The following SPAG1 variants were observed in gnomAD, a reference collection of about 807,000 sequenced individuals.
The protein encoded by SPAG1 is sperm associated antigen 1, also known as sperm-associated antigen 1.
A neutral mutation model predicts 100.5 loss-of-function variants in SPAG1; 69 were observed. That is an observed-to-expected ratio of 0.69 (90% CI 0.57 to 0.84). The LOEUF (loss-of-function observed/expected upper bound fraction) is 0.84, where lower values mean the gene tolerates loss of function less well. Among genes scored for constraint, SPAG1 ranks in the 40% least tolerant of loss-of-function variants. The probability of loss-of-function intolerance (pLI) is 0.00; values close to 1 mark genes in which losing one functional copy is unlikely to be tolerated. For missense variants in SPAG1, 955 were observed against 1,133.1 expected, an observed-to-expected ratio of 0.84 and a Z score of 2.26; for synonymous variants, 336 against 411.6, an observed-to-expected ratio of 0.82 and a Z score of 2.22.
chr8:100,204,170 G>A (rs996356650), intron 10 of SPAG1, among the ~76,000 whole-genome samples: 2 of 151,974 alleles, frequency 1.3e-5, no homozygotes, highest in African/African-American at 2.4e-5. Flanking sequence ...ATGGCCTCCC[G>A]AGACAGTTGC....
rs1170757198 is a variant in SPAG1, at chr8:100,220,389, A to C, written c.1646A>C (p.Gln549Pro). Residue 549 changes from glutamine (Q) to proline (P), a missense_variant, in exon 13 of 19, where the codon CAG (glutamine) becomes CCG (proline). By Grantham distance (76) the Gln-to-Pro change is moderately conservative. Coordinates refer to ENST00000388798, the MANE Select transcript of SPAG1 (RefSeq NM_003114.5). Reference sequence around the variant, plus strand: ...TATGTGGATTATAAAACAGTGTTGCAGATAGACTGTGGACTCCAGCTAGCA... The same window carrying C: ...TATGTGGATTATAAAACAGTGTTGCCGATAGACTGTGGACTCCAGCTAGCA... ...KAYVDYKTVLQIDCGLQLAND... is the reference protein window; with the variant it reads ...KAYVDYKTVLPIDCGLQLAND... 1.2e-6 allele frequency: 2 copies of C among 1,613,834 alleles called. No individual in the cohort carries two copies. The highest frequency in any genetic ancestry group is 1.7e-5 in the Admixed American group (1 of 59,968).
In SPAG1 at chr8:100,233,399, G is replaced by A. The variant is rs999991693; in HGVS notation, c.1989-12G>A. 3 of 1,613,358 alleles carry A rather than the reference G, an allele frequency of 1.9e-6. No homozygotes were observed. Among genetic ancestry groups the A allele is most frequent in the East Asian group, 2.2e-5 (1 of 44,866 alleles). On this transcript the variant is annotated splice_polypyrimidine_tract_variant and intron_variant, in intron 15 of 18. Transcript: ENST00000388798. ...ACCTTTCATAATACTGAGTTCCATT[G>A]CATTATGCCAGAGCTCTCTGTTACT...
chr8:100,214,482 T>C (rs899470727), intron 12 of SPAG1, among the ~76,000 whole-genome samples: 1 of 152,164 alleles, frequency 6.6e-6, no homozygotes, highest in African/African-American at 2.4e-5. Context: ...CTCTACCTTC[T>C]TGAGTGCCCT....
At chr8:100,200,254 T>C (rs1449547259) in intron 10 of SPAG1, among the ~76,000 whole-genome samples, 5 of 152,210 alleles carry the variant, frequency 3.3e-5, no homozygotes, top group Non-Finnish European at 7.3e-5. Context: ...GCTTCATCCA[T>C]GTCCCTACAA....
At chr8:100,228,858 TA>T (rs1455475089) in intron 14 of SPAG1, among the ~76,000 whole-genome samples, 3 of 152,212 alleles carry the variant, frequency 2.0e-5, no homozygotes, top group Non-Finnish European at 4.4e-5. Context: ...TACCTAGGTT[TA>T]AAACTTTAAA....
intron 8 of SPAG1, among the ~76,000 whole-genome samples, chr8:100,188,597 T>C (rs1312608202): frequency 6.6e-6 from 1 of 152,252 alleles, no homozygotes; most frequent in East Asian, 1.9e-4. Context: ...CACCTTGTCA[T>C]GGTTCAGGCC....
At chr8:100,206,383 G>A (rs959383626) in intron 10 of SPAG1, among the ~76,000 whole-genome samples, 2 of 152,286 alleles carry the variant, frequency 1.3e-5, no homozygotes, top group Admixed American at 1.3e-4. Flanking sequence ...TCAACTCTGC[G>A]GCTTTGTGTC....
intron 12 of SPAG1, among the ~76,000 whole-genome samples, chr8:100,220,012 GA>G (rs1280147520): frequency 6.6e-6 from 1 of 152,226 alleles, no homozygotes; most frequent in East Asian, 1.9e-4. Flanking sequence ...GGGGACTGGG[GA>G]GGCCAGGACA....
intron 2 of SPAG1, chr8:100,165,287 C>T: frequency 3.8e-6 from 2 of 520,798 alleles, no homozygotes; most frequent in South Asian, 2.9e-5. Context: ...AAAAACATTT[C>T]CAGCAGGTCT....
In SPAG1 at chr8:100,231,165, C is replaced by T. The variant is rs1818751700; in HGVS notation, c.1865C>T (p.Thr622Ile). ...HRQQGITDEK[T>I]FKALKEEGNQ... ...TTTTTTTGTCCCATAGATGAAAAAA[C>T]ATTTAAAGCCCTTAAGGAAGAAGGA... Residue 622 changes from threonine to isoleucine, a missense_variant, in exon 15 of 19, where the codon ACA becomes ATA. By Grantham distance (89) the Thr-to-Ile change is moderately conservative (BLOSUM62 -1). Coordinates refer to ENST00000388798, the MANE Select transcript of SPAG1 (RefSeq NM_003114.5). The T allele has an allele frequency of 3.1e-6, 5 of 1,601,668 alleles. No homozygotes were observed. Among genetic ancestry groups the T allele is most frequent in the African/African-American group, 1.3e-5 (1 of 74,212 alleles).
intron 8 of SPAG1, among the ~76,000 whole-genome samples, chr8:100,187,895 C>T (rs1816654312): frequency 6.6e-6 from 1 of 152,176 alleles, no homozygotes; most frequent in Admixed American, 6.6e-5. Flanking sequence ...TTCTGTCACC[C>T]AGGCTGGAGT....
chr8:100,188,751 T>C (rs1210118725), intron 8 of SPAG1, among the ~76,000 whole-genome samples: 1 of 152,212 alleles, frequency 6.6e-6, no homozygotes, highest in Non-Finnish European at 1.5e-5. Flanking sequence ...TTTTTTCACA[T>C]GGAATGTATC....
intron 16 of SPAG1, among the ~76,000 whole-genome samples, chr8:100,233,784 A>G (rs1818883735): frequency 6.6e-6 from 1 of 152,194 alleles, no homozygotes; most frequent in African/African-American, 2.4e-5. Context: ...TAGTTTTCTG[A>G]GGAATATTGT....
chr8:100,204,191 A>G (rs1202106190), intron 10 of SPAG1, among the ~76,000 whole-genome samples: 2 of 151,986 alleles, frequency 1.3e-5, no homozygotes, highest in Non-Finnish European at 2.9e-5. Flanking sequence ...CAGGCAAGAT[A>G]ATGTTGATTC....
rs889540325 is a variant in SPAG1 at position 100,239,595 on chromosome 8, G to A, written c.2280+191G>A. Among the ~76,000 whole-genome samples, 39 of 152,174 alleles carry A rather than the reference G, an allele frequency of 2.6e-4. No individual in the cohort carries two copies. Among genetic ancestry groups the A allele is most frequent in the African/African-American group, 9.4e-4 (39 of 41,426 alleles). ...TTAGCCATTGTATTTCCCAACGTGG[G>A]TCCATGGATGGTACTGGGAGTCTCT... On this transcript the variant is annotated intron_variant, in intron 17 of 18. Coordinates refer to ENST00000388798, the MANE Select transcript of SPAG1 (RefSeq NM_003114.5). This position sits in a 1 kb window ranked among gnomAD's most constrained non-coding sequence, Gnocchi z 5.0.
intron 5 of SPAG1, 102 bp downstream of exon 5, chr8:100,183,538 T>C (rs1287802040): frequency 1.7e-6 from 1 of 579,832 alleles, no homozygotes; most frequent in Non-Finnish European, 3.1e-6. Flanking sequence ...CCTTAACATG[T>C]CAAGAATACC....
In SPAG1 at chr8:100,213,086, A is replaced by G. The variant is rs1322292402; in HGVS notation, c.1097-4A>G. ...CCTCACTTCCCGCATCCACTTCCTC[A>G]CAGAGCCCGCGGAGCCGGCGGGAGC... is the stretch of plus-strand genomic sequence containing the variant. On this transcript the variant is annotated splice_region_variant and splice_polypyrimidine_tract_variant and intron_variant, in intron 10 of 18. Coordinates refer to ENST00000388798, the MANE Select transcript of SPAG1 (RefSeq NM_003114.5). The G allele has an allele frequency of 6.8e-7, 1 of 1,460,106 alleles. No homozygotes were observed. Among genetic ancestry groups the G allele is most frequent in the Admixed American group, 2.5e-5 (1 of 39,664 alleles). 90.4% of individuals were successfully genotyped at this position (1,460,106 alleles called of 1,614,324 possible).
intron 10 of SPAG1, among the ~76,000 whole-genome samples, chr8:100,210,356 C>T (rs1354121238): frequency 6.6e-6 from 1 of 152,018 alleles, no homozygotes; most frequent in African/African-American, 2.4e-5. Context: ...GGGATAAATC[C>T]CACTTGGCCA....
At chr8:100,191,798 C>A (rs1199535854) in intron 9 of SPAG1, among the ~76,000 whole-genome samples, 1 of 152,062 alleles carries the variant, frequency 6.6e-6, no homozygotes, top group Non-Finnish European at 1.5e-5. Context: ...TAGAAGGTAC[C>A]TTCCTAGGTA....
Sources: gnomAD v4.1 joint callset for allele counts (sites outside exome capture counted in the v4.1 genomes callset) on GRCh38, gnomAD v4.1.1 for gene constraint, Gnocchi (gnomAD v3.1) non-coding constraint, MANE v1.5 for transcripts, NCBI Gene and HGNC (gene_info 2026-07-23, HGNC 2026-07-21) for gene names.